NIPSNAP2: variants seen among roughly 807,000 people sequenced by gnomAD.
NIPSNAP2 encodes the protein protein NipSnap homolog 2.
In NIPSNAP2, 42 loss-of-function variants were observed where a neutral mutation model predicts 48.4. The ratio of observed to expected loss-of-function variants is 0.87; its 90% CI spans 0.68 to 1.12. The LOEUF is 1.12. Ranked by LOEUF, NIPSNAP2 falls within the 50% of genes most tolerant of loss-of-function variation. The pLI is 0.00. For missense variants in NIPSNAP2, 314 were observed against 347.3 expected (o/e 0.90, Z 0.76); for synonymous variants, 158 against 126.6 (o/e 1.25, Z -1.67).
At chr7:55,965,118 C>T (rs1187112977) in intron 1 of NIPSNAP2, 1 of 152,514 alleles carries the variant, frequency 6.6e-6, no homozygotes, top group South Asian at 2.1e-4. Flanking sequence ...GTGGCTGCGT[C>T]TGCCGAGGAC....
rs192294258 is a variant in NIPSNAP2 at position 55,971,101 on chromosome 7, G to T, written c.92+6400G>T. Among the ~76,000 whole-genome samples, 122 of 152,248 alleles carry T rather than the reference G, an allele frequency of 8.0e-4. 1 individual carries two copies. The highest frequency in any genetic ancestry group is 1.9e-3 in the African/African-American group (79 of 41,546). ...CACCCTTCCTTATCCTCTGGAAAGT[G>T]CCCCCTACCATCTTGGCGATTGTCA... On this transcript the variant is annotated intron_variant, in intron 1 of 9. Coordinates refer to ENST00000322090, the MANE Select transcript of NIPSNAP2 (RefSeq NM_001483.3).
At chr7:55,977,989 G>T in intron 1 of NIPSNAP2, 137 bp from the exon 2 acceptor site, 1 of 898,828 alleles carries the variant, frequency 1.1e-6, no homozygotes, top group Non-Finnish European at 1.7e-6. Flanking sequence ...GCATGCTGTT[G>T]TCATGGAAAG....
At chr7:55,981,981 AT>A in intron 4 of NIPSNAP2, 1 of 348,462 alleles carries the variant, frequency 2.9e-6, no homozygotes. Context: ...TAATTTTTGT[AT>A]TTTTAGTAGA....
Position 55,997,387 on chromosome 7 carries a change from G to T in NIPSNAP2, c.734G>T (p.Arg245Met). The change falls in exon 9 of 10, where the codon AGG (arginine) becomes ATG (methionine). Residue 245 changes from arginine (R) to methionine (M), a missense_variant. This residue lies in a region of NIPSNAP2 where 116 missense variants were observed against 161.8 expected (regional missense o/e 0.72). Coordinates refer to ENST00000322090, the MANE Select transcript of NIPSNAP2 (RefSeq NM_001483.3). ...TAAGCTTACAGGGATCTTCAGACCAGGGAAGACATACGGAATGCAGCATGG... is the reference window on the plus strand; with the variant it reads ...TAAGCTTACAGGGATCTTCAGACCATGGAAGACATACGGAATGCAGCATGG... ...HLWAYRDLQT[R>M]EDIRNAAWHK... The T allele has an allele frequency of 6.2e-7, 1 of 1,613,808 alleles. No homozygotes were observed.
chr7:55,987,078 G>A (rs113092039), intron 7 of NIPSNAP2, among the ~76,000 whole-genome samples: 3 of 151,344 alleles, frequency 2.0e-5, no homozygotes, highest in African/African-American at 7.3e-5. Context: ...TGGGAGGATT[G>A]CTTGAGCCTG....
At chr7:55,966,549 G>T (rs755598527) in intron 1 of NIPSNAP2, among the ~76,000 whole-genome samples, 2 of 152,146 alleles carry the variant, frequency 1.3e-5, no homozygotes, top group African/African-American at 2.4e-5. Context: ...TTGGGAGGCC[G>T]AGCTGGGCTG....
chr7:55,984,173 A>G (rs1392335631), intron 6 of NIPSNAP2, among the ~76,000 whole-genome samples: 1 of 152,202 alleles, frequency 6.6e-6, no homozygotes, highest in Admixed American at 6.6e-5. Flanking sequence ...GTTAAAGGAG[A>G]GCAGCTAATA....
chr7:55,983,693 A>G lies in NIPSNAP2; in HGVS notation c.445-35A>G. Reference sequence around the variant, plus strand: ...TGAAATGGGCTTATATGTAAGTATCAGAAGATTTCATGAGCACATTTTTTT... The same window carrying G: ...TGAAATGGGCTTATATGTAAGTATCGGAAGATTTCATGAGCACATTTTTTT... On this transcript the variant is annotated intron_variant, in intron 5 of 9. Transcript: ENST00000322090. 3 of 1,610,354 alleles carry G rather than the reference A, an allele frequency of 1.9e-6. No homozygotes were observed. In the South Asian group the frequency reaches 3.3e-5, roughly 18 times the overall value.
intron 7 of NIPSNAP2, among the ~76,000 whole-genome samples, chr7:55,992,475 G>C (rs1310506065): frequency 6.6e-6 from 1 of 152,138 alleles, no homozygotes; most frequent in African/African-American, 2.4e-5. Context: ...GGGTGACAGA[G>C]TGAGTCTCTG....
chr7:55,970,309 A>AT (rs36009676), intron 1 of NIPSNAP2, among the ~76,000 whole-genome samples: 5,310 of 136,924 alleles, frequency 0.039, 172 homozygotes, highest in African/African-American at 0.084. Context: ...TGACACTTAG[A>AT]TTTTTTTTTT....
chr7:55,966,320 A>G (rs369468197), intron 1 of NIPSNAP2, among the ~76,000 whole-genome samples: 3 of 152,142 alleles, frequency 2.0e-5, no homozygotes, highest in Non-Finnish European at 4.4e-5. Flanking sequence ...GTTTTTCATA[A>G]TAAAGCCTGG....
intron 1 of NIPSNAP2, among the ~76,000 whole-genome samples, chr7:55,976,798 C>T (rs1215222737): frequency 2.0e-5 from 3 of 151,960 alleles, no homozygotes; most frequent in Non-Finnish European, 4.4e-5. Context: ...TGAGGTGGGA[C>T]GATCACTTGA....
At chr7:55,995,808 G>C (rs907960464) in intron 8 of NIPSNAP2, among the ~76,000 whole-genome samples, 1 of 152,206 alleles carries the variant, frequency 6.6e-6, no homozygotes, top group Non-Finnish European at 1.5e-5. Flanking sequence ...CATAGAGGCT[G>C]TGGGGAATGC....
At chr7:55,972,152 A>G (rs943915770) in intron 1 of NIPSNAP2, among the ~76,000 whole-genome samples, 1 of 152,102 alleles carries the variant, frequency 6.6e-6, no homozygotes, top group Non-Finnish European at 1.5e-5. Context: ...CTAAAAATAC[A>G]AAAATTAGAT....
intron 1 of NIPSNAP2, 135 bp from the exon 2 acceptor site, chr7:55,977,991 C>T: frequency 2.2e-6 from 2 of 919,450 alleles, no homozygotes; most frequent in South Asian, 1.7e-5. Context: ...ATGCTGTTGT[C>T]ATGGAAAGCA....
chr7:55,981,527 G>C lies in NIPSNAP2; in HGVS notation c.333G>C (p.Val111=). ...HEDKHYPCTL[V]GTWNTWYGEQ... ...ATAAACACTACCCTTGTACTTTGGT[G>C]GGGACTTGGAACACGTGGTATGGCG... Residue 111 remains valine, a synonymous_variant, in exon 4 of 10, where the codon GTG becomes GTC. Transcript: ENST00000322090. 6.2e-7 allele frequency: 1 copy of C among 1,613,912 alleles called. No individual in the cohort carries two copies. Among genetic ancestry groups the C allele is most frequent in the East Asian group, 2.2e-5 (1 of 44,860 alleles).
chr7:55,980,437 T>A (rs1787190400), intron 3 of NIPSNAP2: 1 of 152,330 alleles, frequency 6.6e-6, no homozygotes, highest in African/African-American at 2.4e-5. Context: ...CAGCATCTGG[T>A]GGTGATCACT....
intron 1 of NIPSNAP2, among the ~76,000 whole-genome samples, chr7:55,966,231 T>A (rs1438040207): frequency 6.6e-6 from 1 of 152,100 alleles, no homozygotes; most frequent in Non-Finnish European, 1.5e-5. Flanking sequence ...CAGGTAACAT[T>A]TAGGAGTTGT....
At chr7:55,974,665 G>A (rs1187555335) in intron 1 of NIPSNAP2, among the ~76,000 whole-genome samples, 5 of 151,826 alleles carry the variant, frequency 3.3e-5, no homozygotes, top group African/African-American at 7.3e-5. Flanking sequence ...TGGCTAACAC[G>A]GTGAAACCCC....
Sources: allele counts gnomAD v4.1 joint callset (sites outside exome capture counted in the v4.1 genomes callset), GRCh38; gene constraint gnomAD v4.1.1; regional missense constraint gnomAD v4.1.1; transcripts MANE v1.5; gene names NCBI Gene and HGNC (gene_info 2026-07-23, HGNC 2026-07-21).